The following FLNB variants were observed in gnomAD, a reference collection of about 807,000 sequenced individuals.
FLNB encodes the protein filamin B, also known as filamin-B.
A neutral mutation model predicts 250.6 loss-of-function variants in FLNB; 111 were observed. That is an observed-to-expected ratio of 0.44 (90% CI 0.38 to 0.52). The LOEUF is 0.52. Ranked by LOEUF, FLNB falls within the 20% of genes least tolerant of loss-of-function variation. The probability of loss-of-function intolerance (pLI) is 0.00; values close to 1 mark genes in which losing one functional copy is unlikely to be tolerated. For missense variants in FLNB, 2,869 were observed against 3,447.8 expected (o/e 0.83, Z 4.20); for synonymous variants, 1,302 against 1,372.1 (o/e 0.95, Z 1.13).
At chr3:58,019,499 G>A (rs1363540961) in intron 1 of FLNB, among the ~76,000 whole-genome samples, 1 of 152,178 alleles carries the variant, frequency 6.6e-6, no homozygotes, top group Admixed American at 6.5e-5. Flanking sequence ...CCATTTTACA[G>A]ATGAGAAAAC....
At chr3:58,129,029 G>T (rs1225966823) in intron 24 of FLNB, among the ~76,000 whole-genome samples, 2 of 152,178 alleles carry the variant, frequency 1.3e-5, no homozygotes, top group Non-Finnish European at 2.9e-5. Context: ...ACCTATGGGG[G>T]TACTGCCGGG....
chr3:58,026,538 C>T (rs1188995059), intron 1 of FLNB, among the ~76,000 whole-genome samples: 1 of 152,176 alleles, frequency 6.6e-6, no homozygotes, highest in Non-Finnish European at 1.5e-5. Context: ...ATCAAAGTCG[C>T]TGGGCTAGGG....
intron 18 of FLNB, among the ~76,000 whole-genome samples, chr3:58,116,514 C>T (rs765408536): frequency 6.6e-6 from 1 of 152,176 alleles, no homozygotes; most frequent in Non-Finnish European, 1.5e-5. Flanking sequence ...CACTCCACCT[C>T]GCAAAGTCCC....
At chr3:58,095,011 G>A in intron 5 of FLNB, 57 bp downstream of exon 5, 2 of 1,331,290 alleles carry the variant, frequency 1.5e-6, no homozygotes, top group Non-Finnish European at 2.2e-6. Flanking sequence ...TTTGGGGCTT[G>A]TAATGCGGCC....
intron 1 of FLNB, among the ~76,000 whole-genome samples, chr3:58,033,365 T>G (rs2106768121): frequency 6.6e-6 from 1 of 151,222 alleles, no homozygotes; most frequent in South Asian, 2.1e-4. Context: ...TTTTAGCCTT[T>G]TATATAAATG....
chr3:58,015,634 C>A (rs1559636908), intron 1 of FLNB, among the ~76,000 whole-genome samples: 1 of 152,154 alleles, frequency 6.6e-6, no homozygotes, highest in African/African-American at 2.4e-5. Flanking sequence ...GCTGCTCAAA[C>A]CTTCAGGCCC....
chr3:58,125,490 G>A (rs529834977), intron 22 of FLNB, 91 bp from the exon 23 acceptor site: 21 of 1,414,636 alleles, frequency 1.5e-5, no homozygotes, highest in African/African-American at 1.3e-4. Flanking sequence ...TGCAGACTTC[G>A]ATGCTAGATG....
chr3:58,047,758 G>T (rs2097156288), intron 1 of FLNB, among the ~76,000 whole-genome samples: 1 of 151,974 alleles, frequency 6.6e-6, no homozygotes, highest in Non-Finnish European at 1.5e-5. Context: ...ATTTTTAGTA[G>T]AGATGGGGTT....
intron 4 of FLNB, among the ~76,000 whole-genome samples, chr3:58,093,514 A>T (rs1361026614): frequency 6.6e-6 from 1 of 152,140 alleles, no homozygotes; most frequent in East Asian, 1.9e-4. Context: ...GCCCACTAAG[A>T]GTTGCCTGAT....
At chr3:58,081,607 A>G in intron 3 of FLNB, 22 bp from the exon 4 acceptor site, 2 of 1,613,132 alleles carry the variant, frequency 1.2e-6, no homozygotes, top group South Asian at 1.1e-5. Context: ...CTGGGTGTTC[A>G]TCCACCATGT....
rs116135152 is a variant in FLNB, at chr3:58,108,823, G to A, written c.2055+252G>A. On this transcript the variant is annotated intron_variant, in intron 13 of 45. Coordinates refer to ENST00000295956, the MANE Select transcript of FLNB (RefSeq NM_001457.4). ...TGTTTGTTTCAGGTTATTCTATAATGTCTTTTGGTGTGGCTGAAGCTGCTG... is the reference window on the plus strand; with the variant it reads ...TGTTTGTTTCAGGTTATTCTATAATATCTTTTGGTGTGGCTGAAGCTGCTG... Among the ~76,000 whole-genome samples the A allele has an allele frequency of 3.7e-3, 556 of 152,006 alleles. 6 individuals carry two copies. The highest frequency in any genetic ancestry group is 0.012 in the African/African-American group (518 of 41,552).
chr3:58,134,679 C>G lies in FLNB; in HGVS notation c.4578C>G (p.Gly1526=), dbSNP rs1047853879. The G allele has an allele frequency of 5.0e-6, 8 of 1,614,038 alleles. No individual in the cohort carries two copies. The highest frequency in any genetic ancestry group is 4.0e-5 in the African/African-American group (3 of 74,922). The change falls in exon 27 of 46, where the codon GGC becomes GGG. Residue 1526 remains glycine (G), a synonymous_variant. Transcript: ENST00000295956. ...GCAAAGTGACTGCCAGTGGCCCCGG[C>G]CTTAGTTCCTATGGTGTGCCTGCCA... The part of the protein sequence containing the change: ...DASKVTASGP[G]LSSYGVPASL...
At chr3:58,023,570 A>G (rs1448308148) in intron 1 of FLNB, among the ~76,000 whole-genome samples, 3 of 152,232 alleles carry the variant, frequency 2.0e-5, no homozygotes, top group African/African-American at 7.2e-5. Flanking sequence ...AGAATAGGGA[A>G]GAAAGAGATT....
At chr3:58,040,409 G>C (rs936284028) in intron 1 of FLNB, among the ~76,000 whole-genome samples, 1 of 152,158 alleles carries the variant, frequency 6.6e-6, no homozygotes, top group Admixed American at 6.5e-5. Flanking sequence ...CATTAAGGTG[G>C]GGGCAGCTTC....
chr3:58,159,763 G>A, intron 42 of FLNB, 77 bp downstream of exon 42: 1 of 1,506,198 alleles, frequency 6.6e-7, no homozygotes, highest in South Asian at 1.1e-5. Context: ...GTGTCCCAAG[G>A]GAGGGCTGAT....
chr3:58,106,864 C>T lies in FLNB; in HGVS notation c.1932C>T (p.Asn644=). The change falls in exon 12 of 46, where the codon AAC becomes AAT. Residue 644 remains asparagine (N), a synonymous_variant. Transcript: ENST00000295956. The part of the protein sequence containing the change: ...AFIHPATGGY[N]PDLVRAYGPG... ...TCCACCCAGCCACGGGAGGCTACAA[C>T]CCTGATCTGGTGAATCAGCTGCTGT... 2 of 1,613,474 alleles carry T rather than the reference C, an allele frequency of 1.2e-6. No individual in the cohort carries two copies. The highest frequency in any genetic ancestry group is 1.7e-4 in the Middle Eastern group (1 of 5,716).
chr3:58,103,349 C>T (rs1362336846), intron 9 of FLNB, among the ~76,000 whole-genome samples: 1 of 151,814 alleles, frequency 6.6e-6, no homozygotes, highest in Non-Finnish European at 1.5e-5. Flanking sequence ...TTCTCCTGAC[C>T]TTGAATACTT....
At chr3:58,089,546 C>CAAAAAAAAAAAAA (rs75200893) in intron 4 of FLNB, among the ~76,000 whole-genome samples, 1 of 59,656 alleles carries the variant, frequency 1.7e-5, no homozygotes, top group Non-Finnish European at 3.4e-5. Flanking sequence ...GACTCCATCT[C>CAAAAAAAAAAAAA]AAAAAAAAAA....
chr3:58,107,062 C>T (rs1263353266), intron 12 of FLNB, among the ~76,000 whole-genome samples, 189 bp downstream of exon 12: 4 of 152,174 alleles, frequency 2.6e-5, no homozygotes, highest in African/African-American at 9.7e-5. Context: ...CAGACTCTTG[C>T]TCTGTCGCCC....
Sources: allele counts gnomAD v4.1 joint callset (sites outside exome capture counted in the v4.1 genomes callset), GRCh38; gene constraint gnomAD v4.1.1; transcripts MANE v1.5; gene names NCBI Gene and HGNC (gene_info 2026-07-23, HGNC 2026-07-21).